The following DHTKD1 variants were observed in gnomAD, a reference collection of about 807,000 sequenced individuals.
The protein encoded by DHTKD1 is dehydrogenase E1 and transketolase domain containing 1.
DHTKD1 carries 78 observed loss-of-function variants against 101.8 expected under a neutral mutation model. The ratio of observed to expected loss-of-function variants is 0.77; its 90% confidence interval spans 0.64 to 0.93. The LOEUF (loss-of-function observed/expected upper bound fraction) is 0.93. Ranked by LOEUF, DHTKD1 falls within the 40% of genes least tolerant of loss-of-function variation. The probability of loss-of-function intolerance (pLI) is 0.00; values close to 1 mark genes in which losing one functional copy is unlikely to be tolerated. For synonymous variants in DHTKD1, 462 were observed against 450.3 expected, an observed-to-expected ratio of 1.03 and a Z score of -0.33; for missense variants, 1,223 against 1,161.7, an observed-to-expected ratio of 1.05 and a Z score of -0.77.
In DHTKD1 at chr10:12,081,530, C is replaced by T; in HGVS notation, c.213C>T (p.Ala71=). 1 of 1,614,094 alleles carries T rather than the reference C, an allele frequency of 6.2e-7. No individual in the cohort carries two copies. Among genetic ancestry groups the T allele is most frequent in the Non-Finnish European group, 8.5e-7 (1 of 1,180,000 alleles). The change falls in exon 2 of 17, where the codon GCC becomes GCT. Residue 71 remains alanine (A), a synonymous_variant. Transcript: ENST00000263035. ...TVYCEHGHKA[A]KINPLFTGQA... is the part of the protein sequence containing the mutation. ...ATTGTGAGCATGGTCATAAAGCTGC[C>T]AAAATCAACCCCCTCTTCACCGGAC... is the stretch of plus-strand genomic sequence containing the variant.
At chr10:12,117,799 A>G in intron 14 of DHTKD1, 44 bp downstream of exon 14, 1 of 1,074,022 alleles carries the variant, frequency 9.3e-7, no homozygotes, top group African/African-American at 1.6e-5. Flanking sequence ...GCAGAATTTT[A>G]ATTAATGGGA....
chr10:12,069,306 TGGGGAGGA>T, intron 1 of DHTKD1, 119 bp downstream of exon 1: 60 of 170,552 alleles, frequency 3.5e-4, no homozygotes, highest in East Asian at 2.2e-3. Flanking sequence ...GCGCGGCCGG[TGGGGAGGA>T]GGGGGAGGTG....
chr10:12,088,531 A>G (rs963555326), intron 4 of DHTKD1, among the ~76,000 whole-genome samples: 12 of 151,928 alleles, frequency 7.9e-5, no homozygotes, highest in African/African-American at 2.9e-4. Context: ...GAGGTAGCTT[A>G]GACAGTTTAG....
chr10:12,101,234 C>T, intron 10 of DHTKD1, 53 bp downstream of exon 10: 1 of 1,567,954 alleles, frequency 6.4e-7, no homozygotes, highest in Non-Finnish European at 8.7e-7. Flanking sequence ...ATTACACTTC[C>T]AGGATTCTTA....
intron 10 of DHTKD1, among the ~76,000 whole-genome samples, chr10:12,106,009 C>T (rs1833240990): frequency 6.6e-6 from 1 of 152,160 alleles, no homozygotes; most frequent in Admixed American, 6.5e-5. Flanking sequence ...GCAAGAGAAT[C>T]ACTTGAACCT....
intron 1 of DHTKD1, among the ~76,000 whole-genome samples, chr10:12,075,785 T>TA (rs1832717662): frequency 6.6e-6 from 1 of 152,206 alleles, no homozygotes; most frequent in African/African-American, 2.4e-5. Flanking sequence ...TTTAATTTCA[T>TA]TCTTTATTAT....
Position 12,108,034 on chromosome 10 carries a change from G to A in DHTKD1, c.2154+19G>A, listed in dbSNP as rs375269543. On this transcript the variant is annotated intron_variant, in intron 12 of 16. Coordinates refer to ENST00000263035, the MANE Select transcript of DHTKD1 (RefSeq NM_018706.7). ...CCTGCAGGTAAGGGTAACGTCTTCC[G>A]GAGTCAATGAATCATTTTCCTGCTT... 158 of 1,575,026 alleles carry A rather than the reference G, an allele frequency of 1.0e-4. No individual in the cohort carries two copies. Among genetic ancestry groups the A allele is most frequent in the Middle Eastern group, 1.7e-4 (1 of 6,002 alleles).
At position 12,100,287 on chromosome 10, in the gene DHTKD1, G is replaced by GTTTTTTTTTTTTGTTTTTTTT. The variant is rs1554793010; in HGVS notation, c.1756+37_1756+38insGTTTTTTTTTTTTTTTTTTTT. 4.0e-5 allele frequency: 11 copies of GTTTTTTTTTTTTGTTTTTTTT among 272,248 alleles called. 1 individual carries two copies. The highest frequency in any genetic ancestry group is 7.5e-5 in the Admixed American group (1 of 13,332). 16.9% of individuals were successfully genotyped at this position (272,248 alleles called of 1,614,324 possible). A position where few individuals can be genotyped will look rare whatever the true frequency, so the allele number is the denominator to read the frequency against. ...GGTAAGAATTTTCTTTTTTTTTTCT[G>GTTTTTTTTTTTTGTTTTTTTT]TTTTTTTTTTTTTTGAGTCTCACCC... is the stretch of plus-strand genomic sequence containing the variant. On this transcript the variant is annotated intron_variant, in intron 9 of 16. Transcript: ENST00000263035.
At chr10:12,082,335 C>G (rs1473064749) in intron 2 of DHTKD1, among the ~76,000 whole-genome samples, 1 of 152,132 alleles carries the variant, frequency 6.6e-6, no homozygotes, top group Non-Finnish European at 1.5e-5. Flanking sequence ...TGATACCCGC[C>G]TCATTCTGTT....
intron 1 of DHTKD1, among the ~76,000 whole-genome samples, chr10:12,077,309 C>T (rs576598656): frequency 2.0e-4 from 31 of 151,644 alleles, no homozygotes; most frequent in Admixed American, 3.3e-4. Flanking sequence ...ATCACTGCAA[C>T]CTCTGCCTCC....
intron 1 of DHTKD1, among the ~76,000 whole-genome samples, chr10:12,079,371 TAAAAG>T (rs1255117265): frequency 1.3e-5 from 2 of 152,086 alleles, no homozygotes; most frequent in Non-Finnish European, 2.9e-5. Flanking sequence ...AATATGTTCT[TAAAAG>T]GAGAGAGTAG....
chr10:12,107,791 T>C lies in DHTKD1; in HGVS notation c.2048-118T>C. ...TAACAGTTCTAGAAGGTGCATGTAA[T>C]GAAAGCAGTTTTGGGGGGCCAGGCA... is the stretch of plus-strand genomic sequence containing the variant. On this transcript the variant is annotated intron_variant, in intron 11 of 16. Transcript: ENST00000263035. The surrounding 1 kb of genome is among the most constrained non-coding windows in gnomAD (Gnocchi z 4.1). The C allele has an allele frequency of 1.5e-6, 1 of 661,592 alleles. No individual in the cohort carries two copies. The highest frequency in any genetic ancestry group is 2.7e-5 in the East Asian group (1 of 36,636). 41.0% of individuals were successfully genotyped at this position (661,592 alleles called of 1,614,324 possible).
rs1324181863 is a variant in DHTKD1, at chr10:12,107,338, T to A, written c.2048-571T>A. The stretch of plus-strand genomic sequence containing the variant: ...TGCCTGCGGTGGTATTGGAGCGGCA[T>A]GTGCTGTCCAGGAAGCTGGGAACGT... On this transcript the variant is annotated intron_variant, in intron 11 of 16. Transcript: ENST00000263035. This position sits in a 1 kb window ranked among gnomAD's most constrained non-coding sequence, Gnocchi z 4.1. Among the ~76,000 whole-genome samples, 3 of 151,752 alleles carry A rather than the reference T, an allele frequency of 2.0e-5. No homozygotes were observed. The highest frequency in any genetic ancestry group is 4.4e-5 in the Non-Finnish European group (3 of 67,940).
At chr10:12,078,702 C>CA (rs768920793) in intron 1 of DHTKD1, among the ~76,000 whole-genome samples, 7 of 152,102 alleles carry the variant, frequency 4.6e-5, no homozygotes, top group Non-Finnish European at 1.0e-4. Flanking sequence ...TTTTTTGAGA[C>CA]AAAGTCTTGC....
At chr10:12,077,046 T>G (rs948422099) in intron 1 of DHTKD1, among the ~76,000 whole-genome samples, 7 of 148,822 alleles carry the variant, frequency 4.7e-5, no homozygotes, top group Non-Finnish European at 1.0e-4. Flanking sequence ...ATCACTTAAA[T>G]TTTTGATCAG....
At chr10:12,112,406 T>A (rs1405908554) in intron 12 of DHTKD1, among the ~76,000 whole-genome samples, 2 of 152,174 alleles carry the variant, frequency 1.3e-5, no homozygotes, top group Non-Finnish European at 2.9e-5. Context: ...CTCAGCTTTC[T>A]GTCCCACCAG....
At chr10:12,086,572 C>T (rs950968593) in intron 3 of DHTKD1, among the ~76,000 whole-genome samples, 1 of 151,928 alleles carries the variant, frequency 6.6e-6, no homozygotes, top group Admixed American at 6.6e-5. Context: ...ATCTGCCCAC[C>T]TCGGCCTCCC....
intron 1 of DHTKD1, 67 bp from the exon 2 acceptor site, chr10:12,081,405 A>G: frequency 7.2e-7 from 1 of 1,384,272 alleles, no homozygotes; most frequent in Non-Finnish European, 1.0e-6. Context: ...TTCTTTGAAA[A>G]TCTGATTTTT....
At chr10:12,101,251 G>C (rs1370932930) in intron 10 of DHTKD1, 70 bp downstream of exon 10, 15 of 1,522,636 alleles carry the variant, frequency 9.9e-6, no homozygotes, top group Non-Finnish European at 4.4e-6. Context: ...CTTAGAACAA[G>C]TAGGAAGGAG....
Sources: gnomAD v4.1 joint callset for allele counts (sites outside exome capture counted in the v4.1 genomes callset) on GRCh38, gnomAD v4.1.1 for gene constraint, Gnocchi (gnomAD v3.1) non-coding constraint, MANE v1.5 for transcripts, NCBI Gene and HGNC (gene_info 2026-07-23, HGNC 2026-07-21) for gene names.